The following RIC8B variants were observed in gnomAD, a reference collection of about 807,000 sequenced individuals.
The protein encoded by RIC8B is RIC8 guanine nucleotide exchange factor B, also known as chaperone Ric-8B.
Under a neutral mutation model 57.5 loss-of-function variants are expected in RIC8B, and 16 were observed. That is an observed-to-expected ratio of 0.28 (90% confidence interval 0.19 to 0.42). The LOEUF (loss-of-function observed/expected upper bound fraction) is 0.42, where lower values mean the gene tolerates loss of function less well. Ranked by LOEUF, RIC8B falls within the 10% of genes least tolerant of loss-of-function variation. The pLI is 1.00. For missense variants in RIC8B, 481 were observed against 677.0 expected, an observed-to-expected ratio of 0.71 and a Z score of 3.21; for synonymous variants, 216 against 250.8, an observed-to-expected ratio of 0.86 and a Z score of 1.31.
At position 106,879,355 on chromosome 12, in the gene RIC8B, T is replaced by C; in HGVS notation, c.1572-6549T>C. ...TTCTATATTGTGCGATTGGGTATGT[T>C]AGTATCTGAACCCCAATTTTGCACT... On this transcript the variant is annotated intron_variant, in intron 9 of 9. Coordinates refer to ENST00000392837, the MANE Select transcript of RIC8B (RefSeq NM_001330145.2). This position sits in a 1 kb window ranked among gnomAD's most constrained non-coding sequence, Gnocchi z 4.9. 1.0e-6 allele frequency: 1 copy of C among 985,328 alleles called. No individual in the cohort carries two copies. Among genetic ancestry groups the C allele is most frequent in the African/African-American group, 1.7e-5 (1 of 57,326 alleles). The allele number at this position is 985,328 out of a possible 1,614,324, so 61.0% of individuals were successfully genotyped here. A position where few individuals can be genotyped will look rare whatever the true frequency, so the allele number is the denominator to read the frequency against.
At chr12:106,848,450 C>G (rs202074604) in intron 6 of RIC8B, among the ~76,000 whole-genome samples, 28 of 152,132 alleles carry the variant, frequency 1.8e-4, no homozygotes, top group Non-Finnish European at 3.7e-4. Context: ...AAGGATCATC[C>G]TAGCCACTAT....
chr12:106,843,959 A>G lies in RIC8B; in HGVS notation c.1161+12A>G, dbSNP rs775488111. ...TTCTCAAAGATCAGGTAACTGCTTA[A>G]TGCATATTACATTGCAAAGTTAGTC... On this transcript the variant is annotated intron_variant, in intron 6 of 9. Transcript: ENST00000392837. 6.4e-7 allele frequency: 1 copy of G among 1,562,456 alleles called. No individual in the cohort carries two copies. Among genetic ancestry groups the G allele is most frequent in the Non-Finnish European group, 8.8e-7 (1 of 1,133,330 alleles).
chr12:106,783,750 C>G lies in RIC8B; in HGVS notation c.85-247C>G, dbSNP rs543727523. Among the ~76,000 whole-genome samples the G allele has an allele frequency of 2.0e-5, 3 of 152,318 alleles. No homozygotes were observed. The South Asian group carries it at 6.2e-4, about 32-fold the overall frequency. The stretch of plus-strand genomic sequence containing the variant: ...TGCTCTGTATTCTGTGAAAGCCATT[C>G]CGGATTTTCCTGGGCAGTTAGTGGC... On this transcript the variant is annotated intron_variant, in intron 1 of 9. Coordinates refer to ENST00000392837, the MANE Select transcript of RIC8B (RefSeq NM_001330145.2).
At chr12:106,797,339 C>T (rs933653004) in intron 2 of RIC8B, among the ~76,000 whole-genome samples, 1 of 152,212 alleles carries the variant, frequency 6.6e-6, no homozygotes, top group African/African-American at 2.4e-5. Flanking sequence ...CTAACTGATG[C>T]TGCTACAACA....
chr12:106,820,864 G>GT (rs2045808342), intron 3 of RIC8B, among the ~76,000 whole-genome samples: 1 of 152,140 alleles, frequency 6.6e-6, no homozygotes, highest in Non-Finnish European at 1.5e-5. Flanking sequence ...AATTTCCTGA[G>GT]TTTTTTTCTC....
At chr12:106,825,926 C>G (rs1298439002) in intron 4 of RIC8B, 106 bp downstream of exon 4, 1 of 721,582 alleles carries the variant, frequency 1.4e-6, no homozygotes, top group Non-Finnish European at 2.4e-6. Flanking sequence ...GAAAATACTA[C>G]AGTAAATCAG....
chr12:106,808,927 C>T (rs1167777161), intron 2 of RIC8B, among the ~76,000 whole-genome samples: 4 of 152,116 alleles, frequency 2.6e-5, no homozygotes, highest in African/African-American at 9.6e-5. Flanking sequence ...GCTTCATAGC[C>T]TATTTTGTTT....
At chr12:106,784,422 T>C (rs957118810) in intron 2 of RIC8B, among the ~76,000 whole-genome samples, 3 of 152,198 alleles carry the variant, frequency 2.0e-5, no homozygotes, top group African/African-American at 7.2e-5. Flanking sequence ...ATCACCCAGG[T>C]TGGAGTGCAG....
At chr12:106,813,144 A>G (rs2045411206) in intron 2 of RIC8B, among the ~76,000 whole-genome samples, 1 of 151,662 alleles carries the variant, frequency 6.6e-6, no homozygotes, top group African/African-American at 2.4e-5. Context: ...GATGTCTTCA[A>G]GTATACAGTA....
chr12:106,856,799 A>G (rs1949731961), intron 7 of RIC8B, among the ~76,000 whole-genome samples: 1 of 152,174 alleles, frequency 6.6e-6, no homozygotes, highest in African/African-American at 2.4e-5. Flanking sequence ...TAAAAGAGCA[A>G]ATGCTTGTGC....
chr12:106,875,375 C>T (rs1318208426), intron 9 of RIC8B, among the ~76,000 whole-genome samples: 6 of 152,084 alleles, frequency 3.9e-5, no homozygotes, highest in African/African-American at 1.2e-4. Flanking sequence ...GCCCCTGCAA[C>T]TCAAGCAGGA....
intron 4 of RIC8B, among the ~76,000 whole-genome samples, chr12:106,841,955 G>A (rs1948969609): frequency 6.6e-6 from 1 of 152,124 alleles, no homozygotes; most frequent in East Asian, 1.9e-4. Flanking sequence ...ACAGCTGAAA[G>A]GCCTAGGGGC....
chr12:106,877,650 C>T (rs1950727026), intron 9 of RIC8B, among the ~76,000 whole-genome samples: 2 of 152,098 alleles, frequency 1.3e-5, no homozygotes, highest in Non-Finnish European at 1.5e-5. Context: ...GATTATGGCT[C>T]TTCTGACAAA....
intron 3 of RIC8B, among the ~76,000 whole-genome samples, chr12:106,820,271 T>A (rs2045780327): frequency 6.6e-6 from 1 of 152,210 alleles, no homozygotes; most frequent in Admixed American, 6.5e-5. Flanking sequence ...GCCTCAGTGT[T>A]AAATTCGTGC....
intron 9 of RIC8B, chr12:106,878,927 T>TAAC: frequency 6.1e-6 from 6 of 980,134 alleles, no homozygotes; most frequent in Non-Finnish European, 7.3e-6. Context: ...AATAGGTCTC[T>TAAC]AACATGCTGT....
At chr12:106,816,608 C>A (rs116676282) in intron 3 of RIC8B, among the ~76,000 whole-genome samples, 2,829 of 152,160 alleles carry the variant, frequency 0.019, 46 homozygotes, top group Middle Eastern at 0.048. Context: ...CATTTGAGAC[C>A]TTAAATTCCA....
At position 106,858,085 on chromosome 12, in the gene RIC8B, A is replaced by G. The variant is rs568295779; in HGVS notation, c.1307-2183A>G. On this transcript the variant is annotated intron_variant, in intron 7 of 9. Coordinates refer to ENST00000392837, the MANE Select transcript of RIC8B (RefSeq NM_001330145.2). ...TAACTGGCTTCCAGAGAGATTTTCT[A>G]CATAAGAGAACAGTTATTTAGTATT... Among the ~76,000 whole-genome samples, 149 of 152,290 alleles carry G rather than the reference A, an allele frequency of 9.8e-4. 2 individuals are homozygous for G. Among genetic ancestry groups the G allele is most frequent in the Non-Finnish European group, 1.8e-3 (123 of 67,996 alleles).
chr12:106,825,946 A>C (rs1219515721), intron 4 of RIC8B, 126 bp downstream of exon 4: 1 of 637,698 alleles, frequency 1.6e-6, no homozygotes, highest in Non-Finnish European at 2.8e-6. Context: ...GGTAACTGGT[A>C]GGTCAGAAAT....
chr12:106,822,582 C>T (rs1321157995), intron 3 of RIC8B: 1 of 152,196 alleles, frequency 6.6e-6, no homozygotes, highest in African/African-American at 2.4e-5. Context: ...CTTAACCTAC[C>T]TGTAGGTGAG....
Sources: allele counts gnomAD v4.1 joint callset (sites outside exome capture counted in the v4.1 genomes callset), GRCh38; gene constraint gnomAD v4.1.1; non-coding constraint Gnocchi (gnomAD v3.1); transcripts MANE v1.5; gene names NCBI Gene and HGNC (gene_info 2026-07-23, HGNC 2026-07-21).